Variants in HYDIN observed in about 807,000 individuals in gnomAD.
The protein encoded by HYDIN is HYDIN axonemal central pair apparatus protein.
In HYDIN, 132 loss-of-function variants were observed where a neutral mutation model predicts 403.9. The observed-to-expected ratio is 0.33, with a 90% CI of 0.28 to 0.38. The LOEUF (loss-of-function observed/expected upper bound fraction) is 0.38, where lower values mean the gene tolerates loss of function less well. Ranked by LOEUF, HYDIN falls within the 10% of genes least tolerant of loss-of-function variation. The pLI is 1.00. For missense variants in HYDIN, 2,827 were observed against 5,009.5 expected, an observed-to-expected ratio of 0.56 and a Z score of 13.15; for synonymous variants, 1,202 against 1,891.7, an observed-to-expected ratio of 0.64 and a Z score of 9.46.
intron 7 of HYDIN, among the ~76,000 whole-genome samples, chr16:71,151,583 T>C (rs2085538835): frequency 6.6e-6 from 1 of 152,116 alleles, no homozygotes; most frequent in Admixed American, 6.5e-5. Context: ...CTCCACATCA[T>C]TTCTGTGGGT....
At position 71,129,841 on chromosome 16, in the gene HYDIN, T is replaced by C. The variant is rs11866288; in HGVS notation, c.1044-18A>G. On this transcript the variant is annotated intron_variant, in intron 8 of 85. Coordinates refer to ENST00000393567, the MANE Select transcript of HYDIN (RefSeq NM_001270974.2). The stretch of plus-strand genomic sequence containing the variant: ...CACAGGCCCTAAAGAAAACAGGCAA[T>C]GTGAGATTCATGTGGGTACTCCCAT... 9 of 1,580,236 alleles carry C rather than the reference T, an allele frequency of 5.7e-6. No individual in the cohort carries two copies. Among genetic ancestry groups the C allele is most frequent in the Non-Finnish European group, 7.8e-6 (9 of 1,159,864 alleles).
rs577978285 is a variant in HYDIN at position 70,997,121 on chromosome 16, G to T, written c.3645-4911C>A. On this transcript the variant is annotated intron_variant, in intron 23 of 85. Coordinates refer to ENST00000393567, the MANE Select transcript of HYDIN (RefSeq NM_001270974.2). Reference sequence around the variant, plus strand: ...CCTTACATGTGCAGTTCACAATAGGGTTTGTGCTCCTGTGAGAATCTAATG... The same window carrying T: ...CCTTACATGTGCAGTTCACAATAGGTTTTGTGCTCCTGTGAGAATCTAATG... 1.9e-4 allele frequency among the ~76,000 whole-genome samples: 28 copies of T among 150,982 alleles called. No individual in the cohort carries two copies. The South Asian group carries it at 4.9e-3, about 26-fold the overall frequency.
chr16:71,111,860 GA>G (rs951345471), intron 10 of HYDIN, among the ~76,000 whole-genome samples: 2 of 128,240 alleles, frequency 1.6e-5, no homozygotes, highest in East Asian at 2.2e-4. Flanking sequence ...CAAATAAAAT[GA>G]AAAAAAATGG....
At chr16:71,189,706 G>A (rs1332120050) in intron 1 of HYDIN, among the ~76,000 whole-genome samples, 1 of 150,146 alleles carries the variant, frequency 6.7e-6, no homozygotes, top group Non-Finnish European at 1.5e-5. Context: ...AGTGGAGGTT[G>A]CAGTGAGCCG....
At position 70,996,254 on chromosome 16, in the gene HYDIN, C is replaced by T. The variant is rs552199879; in HGVS notation, c.3645-4044G>A. 6.6e-5 allele frequency among the ~76,000 whole-genome samples: 10 copies of T among 152,336 alleles called. No homozygotes were observed. The South Asian group carries it at 2.1e-3, about 32-fold the overall frequency. Reference sequence around the variant, plus strand: ...CTGAGAGCCCTCCCTCAATAAGTCACCTCAAGAACCACACTCTCGGGCTCT... The same window carrying T: ...CTGAGAGCCCTCCCTCAATAAGTCATCTCAAGAACCACACTCTCGGGCTCT... On this transcript the variant is annotated intron_variant, in intron 23 of 85. Coordinates refer to ENST00000393567, the MANE Select transcript of HYDIN (RefSeq NM_001270974.2).
rs751711131 is a variant in HYDIN at position 71,230,631 on chromosome 16, G to C, written c.-93C>G. 3 of 1,536,054 alleles carry C rather than the reference G, an allele frequency of 2.0e-6. No homozygotes were observed. The highest frequency in any genetic ancestry group is 2.6e-6 in the Non-Finnish European group (3 of 1,146,872). On this transcript the variant is annotated 5_prime_UTR_variant, in exon 1 of 86. Coordinates refer to ENST00000393567, the MANE Select transcript of HYDIN (RefSeq NM_001270974.2). Reference sequence around the variant, plus strand: ...GCCAAGACCCCGCGTCCAACTCACAGACCCCGCCGCCGCTGAGGGGCTCCA... The same window carrying C: ...GCCAAGACCCCGCGTCCAACTCACACACCCCGCCGCCGCTGAGGGGCTCCA...
intron 18 of HYDIN, among the ~76,000 whole-genome samples, chr16:71,057,427 C>G (rs6499413): frequency 6.9e-6 from 1 of 144,056 alleles, no homozygotes. Context: ...CTGGGACCAA[C>G]GTCTCTGGTG....
intron 39 of HYDIN, among the ~76,000 whole-genome samples, chr16:70,956,543 C>A (rs1442047384): frequency 6.6e-6 from 1 of 152,124 alleles, no homozygotes; most frequent in Non-Finnish European, 1.5e-5. Flanking sequence ...TCCAACCGGG[C>A]ACAATGGGTC....
rs1434869630 is a variant in HYDIN at position 70,837,686 on chromosome 16, T to C, written c.13242+4A>G. On this transcript the variant is annotated splice_donor_region_variant and intron_variant, in intron 77 of 85. Coordinates refer to ENST00000393567, the MANE Select transcript of HYDIN (RefSeq NM_001270974.2). ...CGCCTGAAGGCCTCCCGACTGTCTG[T>C]TACCTTCATTTTGGTACCCTTCCCT... 6.2e-7 allele frequency: 1 copy of C among 1,613,734 alleles called. No individual in the cohort carries two copies. Among genetic ancestry groups the C allele is most frequent in the Non-Finnish European group, 8.5e-7 (1 of 1,179,824 alleles).
intron 15 of HYDIN, 97 bp from the exon 16 acceptor site, chr16:71,064,937 T>C: frequency 7.4e-7 from 1 of 1,351,618 alleles, no homozygotes; most frequent in East Asian, 2.4e-5. Flanking sequence ...CAGTGTCACA[T>C]AGTAGTTTTT....
chr16:71,081,009 C>A (rs999083365), intron 12 of HYDIN: 4 of 151,920 alleles, frequency 2.6e-5, no homozygotes, highest in African/African-American at 9.7e-5. Context: ...CCTCTAGAGC[C>A]TTCAGAAGGA....
At chr16:70,836,361 T>G (rs1335159033) in intron 77 of HYDIN, among the ~76,000 whole-genome samples, 1 of 151,920 alleles carries the variant, frequency 6.6e-6, no homozygotes, top group African/African-American at 2.4e-5. Flanking sequence ...CATTGCTGAG[T>G]GAGAAGTGGG....
chr16:70,810,684 G>T (rs969290374), intron 84 of HYDIN, among the ~76,000 whole-genome samples: 3 of 152,120 alleles, frequency 2.0e-5, no homozygotes, highest in Admixed American at 6.5e-5. Flanking sequence ...AGAAAAATTA[G>T]CTGGGCGCAG....
chr16:70,834,874 A>ATATG (rs1252338830), intron 78 of HYDIN, among the ~76,000 whole-genome samples: 54 of 146,128 alleles, frequency 3.7e-4, no homozygotes, highest in Non-Finnish European at 7.2e-4. Context: ...ACATATATAT[A>ATATG]TGTGTGTGTG....
intron 18 of HYDIN, among the ~76,000 whole-genome samples, chr16:71,056,149 A>C (rs1312374342): frequency 1.4e-4 from 6 of 43,108 alleles, no homozygotes; most frequent in Admixed American, 2.3e-4. Context: ...TTTTTTTTTT[A>C]CTCCTTCAAA....
chr16:71,214,556 T>C (rs903254726), intron 1 of HYDIN, among the ~76,000 whole-genome samples: 21 of 152,182 alleles, frequency 1.4e-4, no homozygotes, highest in African/African-American at 5.1e-4. Context: ...CCCTCTCAGC[T>C]GCACTGCATT....
intron 46 of HYDIN, among the ~76,000 whole-genome samples, 200 bp downstream of exon 46, chr16:70,920,391 T>C (rs1259618953): frequency 6.7e-6 from 1 of 149,890 alleles, no homozygotes; most frequent in Non-Finnish European, 1.5e-5. Flanking sequence ...CTAATCTAGA[T>C]GTGTGACATT....
chr16:70,826,558 T>C (rs1383222109), intron 83 of HYDIN, among the ~76,000 whole-genome samples: 1 of 151,950 alleles, frequency 6.6e-6, no homozygotes, highest in Non-Finnish European at 1.5e-5. Flanking sequence ...ATGGTAACTT[T>C]TTTTAGATGT....
chr16:70,837,628 A>G, intron 77 of HYDIN, 62 bp downstream of exon 77: 1 of 1,596,140 alleles, frequency 6.3e-7, no homozygotes, highest in Non-Finnish European at 8.6e-7. Flanking sequence ...TGGGGGGCAA[A>G]GAAGGATGAG....
Sources: gnomAD v4.1 joint callset for allele counts (sites outside exome capture counted in the v4.1 genomes callset) on GRCh38, gnomAD v4.1.1 for gene constraint, MANE v1.5 for transcripts, NCBI Gene and HGNC (gene_info 2026-07-23, HGNC 2026-07-21) for gene names.